The following DESI2 variants were observed in gnomAD, a reference collection of about 807,000 sequenced individuals.
The protein encoded by DESI2 is deubiquitinase DESI2.
In DESI2, 10 loss-of-function variants were observed where a neutral mutation model predicts 24.1. That is an observed-to-expected ratio of 0.41 (90% CI 0.26 to 0.70). The LOEUF is 0.70. Among genes scored for constraint, DESI2 ranks in the 30% least tolerant of loss-of-function variants. The probability of loss-of-function intolerance (pLI) is 0.29; values close to 1 mark genes in which losing one functional copy is unlikely to be tolerated. For synonymous variants in DESI2, 71 were observed against 87.7 expected (o/e 0.81, Z 1.06); for missense variants, 122 against 234.9 (o/e 0.52, Z 3.14).
At chr1:244,699,329 A>C (rs1487582993) in intron 4 of DESI2, among the ~76,000 whole-genome samples, 1 of 152,100 alleles carries the variant, frequency 6.6e-6, no homozygotes, top group Non-Finnish European at 1.5e-5. Context: ...CATGCCTGTA[A>C]TCCCAACGCT....
At position 244,691,869 on chromosome 1, in the gene DESI2, G is replaced by A. The variant is rs1300539242; in HGVS notation, c.210-10G>A. On this transcript the variant is annotated splice_polypyrimidine_tract_variant and intron_variant, in intron 3 of 4. Coordinates refer to ENST00000302550, the MANE Select transcript of DESI2 (RefSeq NM_016076.5). ...TTTTCTTTCTCTTTTTTTTCTTTTT[G>A]TTCTTTAAGAGAAGCTGTTGTTTTA... The A allele has an allele frequency of 6.6e-7, 1 of 1,517,358 alleles. No homozygotes were observed. Among genetic ancestry groups the A allele is most frequent in the Non-Finnish European group, 8.8e-7 (1 of 1,141,112 alleles). 94.0% of individuals were successfully genotyped at this position (1,517,358 alleles called of 1,614,324 possible).
intron 1 of DESI2, among the ~76,000 whole-genome samples, chr1:244,679,933 A>C (rs910521148): frequency 6.7e-6 from 1 of 149,660 alleles, no homozygotes; most frequent in Admixed American, 6.7e-5. Context: ...TATCACACCC[A>C]AGAAGTTTTT....
chr1:244,703,124 C>T (rs1322885566), intron 4 of DESI2, among the ~76,000 whole-genome samples: 1 of 151,282 alleles, frequency 6.6e-6, no homozygotes, highest in Non-Finnish European at 1.5e-5. Context: ...GCCTCAGCCT[C>T]CTGAGTAGCT....
Position 244,656,652 on chromosome 1 carries a change from T to G in DESI2, c.42+3297T>G, listed in dbSNP as rs765515899. On this transcript the variant is annotated intron_variant, in intron 1 of 4. Transcript: ENST00000302550. ...TGGTGTAGTCATTTTAAGTCTTCAT[T>G]TTTCATAGATCCAGATTTTGTGCTT... The G allele has an allele frequency of 6.6e-5, 10 of 152,336 alleles. No individual in the cohort carries two copies. In the East Asian group the frequency reaches 9.6e-4, roughly 15 times the overall value. The allele number at this position is 152,336 out of a possible 1,614,324, so 9.4% of individuals were successfully genotyped here.
At chr1:244,661,087 T>G (rs1675823451) in intron 1 of DESI2, among the ~76,000 whole-genome samples, 1 of 152,220 alleles carries the variant, frequency 6.6e-6, no homozygotes, top group Non-Finnish European at 1.5e-5. Context: ...CTGTGTTAGG[T>G]ATATTCACAT....
chr1:244,680,678 T>C (rs1034879839), intron 1 of DESI2, among the ~76,000 whole-genome samples: 4 of 152,342 alleles, frequency 2.6e-5, no homozygotes, highest in African/African-American at 9.6e-5. Flanking sequence ...TGCAAAGATA[T>C]CTTTTTTCTT....
rs373894023 is a variant in DESI2 at position 244,688,233 on chromosome 1, C to T, written c.116-1016C>T. Reference sequence around the variant, plus strand: ...ATAAAAGAATGGGTCTGTGACTTTCCGTACTATAATTGAGAAAGTTAAGAA... The same window carrying T: ...ATAAAAGAATGGGTCTGTGACTTTCTGTACTATAATTGAGAAAGTTAAGAA... On this transcript the variant is annotated intron_variant, in intron 2 of 4. Transcript: ENST00000302550. Among the ~76,000 whole-genome samples the T allele has an allele frequency of 2.6e-4, 39 of 152,190 alleles. No individual in the cohort carries two copies. In the South Asian group the frequency reaches 7.7e-3, roughly 30 times the overall value.
At chr1:244,691,145 G>A (rs572481247) in intron 3 of DESI2, among the ~76,000 whole-genome samples, 1 of 152,366 alleles carries the variant, frequency 6.6e-6, no homozygotes, top group East Asian at 1.9e-4. Flanking sequence ...CTGGAGTACA[G>A]TGGTACGATC....
intron 1 of DESI2, among the ~76,000 whole-genome samples, chr1:244,679,518 G>A (rs567320793): frequency 6.6e-6 from 1 of 152,246 alleles, no homozygotes; most frequent in East Asian, 1.9e-4. Context: ...AGATCACATA[G>A]AAAGTAAGTC....
chr1:244,699,069 TCTG>T (rs574041798), intron 4 of DESI2, among the ~76,000 whole-genome samples: 82 of 152,320 alleles, frequency 5.4e-4, no homozygotes, highest in African/African-American at 1.7e-3. Context: ...TTGCCACTAC[TCTG>T]CTACCTTTCT....
intron 4 of DESI2, among the ~76,000 whole-genome samples, chr1:244,704,424 C>A (rs1230528915): frequency 6.6e-6 from 1 of 152,158 alleles, no homozygotes; most frequent in African/African-American, 2.4e-5. Flanking sequence ...AGACCCAGTT[C>A]TTACTATTTG....
At chr1:244,697,532 G>C (rs1335474220) in intron 4 of DESI2, among the ~76,000 whole-genome samples, 2 of 151,322 alleles carry the variant, frequency 1.3e-5, no homozygotes, top group African/African-American at 4.9e-5. Context: ...TAGAGGTATG[G>C]AAAACCTTTG....
At chr1:244,675,644 A>G (rs538685893) in intron 1 of DESI2, among the ~76,000 whole-genome samples, 25 of 152,302 alleles carry the variant, frequency 1.6e-4, no homozygotes, top group Non-Finnish European at 3.1e-4. Flanking sequence ...CTGTATGTCT[A>G]TCTTTATGCC....
intron 1 of DESI2, among the ~76,000 whole-genome samples, chr1:244,655,238 A>G (rs1479739478): frequency 6.6e-6 from 1 of 152,206 alleles, no homozygotes; most frequent in Admixed American, 6.5e-5. Context: ...CAGACAGGGG[A>G]GAGAGTAAGT....
chr1:244,705,371 A>G (rs1285614485), intron 4 of DESI2, among the ~76,000 whole-genome samples, 185 bp from the exon 5 acceptor site: 1 of 152,172 alleles, frequency 6.6e-6, no homozygotes, highest in African/African-American at 2.4e-5. Context: ...TGGAGCCAAC[A>G]GTAGGGAGCC....
At chr1:244,676,620 T>C (rs995593231) in intron 1 of DESI2, among the ~76,000 whole-genome samples, 1 of 151,754 alleles carries the variant, frequency 6.6e-6, no homozygotes, top group Non-Finnish European at 1.5e-5. Flanking sequence ...GCAGACACTC[T>C]TATCTTATTT....
chr1:244,661,832 C>T (rs1010651793), intron 1 of DESI2, among the ~76,000 whole-genome samples: 2 of 152,238 alleles, frequency 1.3e-5, no homozygotes, highest in Admixed American at 6.5e-5. Context: ...GGGTTGGTTC[C>T]AAGTCTTTGC....
Position 244,683,308 on chromosome 1 carries a change from A to G in DESI2, c.43-3289A>G, listed in dbSNP as rs562916519. 3.3e-5 allele frequency among the ~76,000 whole-genome samples: 5 copies of G among 152,018 alleles called. No individual in the cohort carries two copies. The East Asian group carries it at 7.7e-4, about 24-fold the overall frequency. ...TCAGGAGTCTAAGTCTTTGCCATAT[A>G]TTATTACTTTTTTCTTTTTTTGAGA... On this transcript the variant is annotated intron_variant, in intron 1 of 4. Transcript: ENST00000302550.
At chr1:244,663,360 T>C (rs556748937) in intron 1 of DESI2, among the ~76,000 whole-genome samples, 131 of 152,100 alleles carry the variant, frequency 8.6e-4, no homozygotes, top group African/African-American at 3.0e-3. Flanking sequence ...GTATTTTTAG[T>C]AGAGACGGGG....
Sources: gnomAD v4.1 joint callset for allele counts (sites outside exome capture counted in the v4.1 genomes callset) on GRCh38, gnomAD v4.1.1 for gene constraint, MANE v1.5 for transcripts, NCBI Gene and HGNC (gene_info 2026-07-23, HGNC 2026-07-21) for gene names.